Variants in RIMS2 observed in about 807,000 individuals in gnomAD.
RIMS2 encodes regulating synaptic membrane exocytosis 2.
Under a neutral mutation model 174.4 loss-of-function variants are expected in RIMS2, and 59 were observed. The observed-to-expected ratio is 0.34, with a 90% CI of 0.27 to 0.42. The LOEUF (loss-of-function observed/expected upper bound fraction) is 0.42. Among genes scored for constraint, RIMS2 ranks in the 10% least tolerant of loss-of-function variants. The probability of loss-of-function intolerance (pLI) is 1.00; values close to 1 mark genes in which losing one functional copy is unlikely to be tolerated. For synonymous variants in RIMS2, 606 were observed against 572.5 expected (o/e 1.06, Z -0.84); for missense variants, 1,620 against 1,666.3 (o/e 0.97, Z 0.48).
At chr8:104,001,218 A>C (rs1183626872) in intron 17 of RIMS2, among the ~76,000 whole-genome samples, 2 of 151,922 alleles carry the variant, frequency 1.3e-5, no homozygotes, top group African/African-American at 4.8e-5. Context: ...ATATTTTAAA[A>C]TATCTGGAAG....
intron 2 of RIMS2, among the ~76,000 whole-genome samples, chr8:103,706,331 C>T (rs1029568444): frequency 2.0e-5 from 3 of 152,122 alleles, no homozygotes; most frequent in Non-Finnish European, 2.9e-5. Flanking sequence ...AAAGACACTA[C>T]ATGCCACAAT....
chr8:103,821,093 A>G (rs905496650), intron 3 of RIMS2, among the ~76,000 whole-genome samples: 5 of 151,586 alleles, frequency 3.3e-5, no homozygotes, highest in Admixed American at 1.3e-4. Flanking sequence ...GTTTAGGTAT[A>G]GAAATTATGC....
chr8:104,075,137 C>G (rs992028051), intron 19 of RIMS2, among the ~76,000 whole-genome samples: 1 of 151,922 alleles, frequency 6.6e-6, no homozygotes, highest in East Asian at 1.9e-4. Flanking sequence ...GTGGATAGAG[C>G]CAGGCTTTGT....
At chr8:103,914,871 A>G (rs1251209727) in intron 6 of RIMS2, among the ~76,000 whole-genome samples, 3 of 152,178 alleles carry the variant, frequency 2.0e-5, no homozygotes, top group African/African-American at 7.2e-5. Flanking sequence ...AGGTATACAT[A>G]TGACTCCACA....
chr8:104,249,517 A>G, exon 22 of RIMS2: 1 of 1,610,108 alleles, frequency 6.2e-7, no homozygotes, highest in Non-Finnish European at 8.5e-7. Flanking sequence ...ATGGACAAAA[A>G]GGGACAGCTG....
chr8:103,700,458 A>G lies in RIMS2; in HGVS notation c.387+3162A>G, dbSNP rs546484745. On this transcript the variant is annotated intron_variant, in intron 2 of 23. Transcript: ENST00000504942. ...TGTATATTTGGAAATGGAATTGCAT[A>G]TATGTATTGGGTTAGGTATTAACAT... is the stretch of plus-strand genomic sequence containing the variant. Among the ~76,000 whole-genome samples the G allele has an allele frequency of 7.0e-4, 107 of 151,964 alleles. 1 individual carries two copies. The highest frequency in any genetic ancestry group is 2.3e-3 in the African/African-American group (95 of 41,508).
intron 19 of RIMS2, among the ~76,000 whole-genome samples, chr8:104,090,801 A>G (rs2097641274): frequency 6.6e-6 from 1 of 151,866 alleles, no homozygotes. Context: ...TTATAAACAT[A>G]TTTTCTGAAG....
intron 3 of RIMS2, among the ~76,000 whole-genome samples, chr8:103,794,859 G>A (rs539035660): frequency 6.6e-5 from 10 of 152,210 alleles, no homozygotes; most frequent in Non-Finnish European, 4.4e-5. Context: ...GGCCATCAGA[G>A]AAATGCAAAT....
chr8:103,516,838 C>T (rs951773285), intron 1 of RIMS2, among the ~76,000 whole-genome samples: 6 of 152,102 alleles, frequency 3.9e-5, no homozygotes, highest in African/African-American at 7.2e-5. Context: ...TACTACATGG[C>T]GCTGCTTCTA....
intron 14 of RIMS2, among the ~76,000 whole-genome samples, chr8:103,954,891 G>T (rs1294230814): frequency 6.6e-6 from 1 of 152,022 alleles, no homozygotes; most frequent in East Asian, 1.9e-4. Context: ...GAATAAAATA[G>T]ATGCAGTAAA....
intron 19 of RIMS2, among the ~76,000 whole-genome samples, chr8:104,017,759 A>T (rs1248009444): frequency 6.6e-6 from 1 of 152,190 alleles, no homozygotes; most frequent in Non-Finnish European, 1.5e-5. Context: ...ATAGCATGTC[A>T]GAAACGTATC....
At chr8:103,838,250 T>C (rs2098916393) in intron 3 of RIMS2, among the ~76,000 whole-genome samples, 1 of 152,028 alleles carries the variant, frequency 6.6e-6, no homozygotes, top group African/African-American at 2.4e-5. Flanking sequence ...CAGATCTTGT[T>C]CCCTCCATTT....
At chr8:103,881,043 A>C (rs1482484556) in intron 3 of RIMS2, among the ~76,000 whole-genome samples, 1 of 151,446 alleles carries the variant, frequency 6.6e-6, no homozygotes, top group East Asian at 1.9e-4. Flanking sequence ...ATTTTTAAAG[A>C]GTGATTTACA....
In RIMS2 at chr8:103,597,654, A is replaced by G. The variant is rs147465724; in HGVS notation, c.176+96592A>G. On this transcript the variant is annotated intron_variant, in intron 1 of 23. Transcript: ENST00000504942. ...TATATATAGAACTACAGTGATTTGAAACCTATAGGGTGACTAAACAACCTG... is the reference window on the plus strand; with the variant it reads ...TATATATAGAACTACAGTGATTTGAGACCTATAGGGTGACTAAACAACCTG... 4.7e-3 allele frequency among the ~76,000 whole-genome samples: 709 copies of G among 152,192 alleles called. 9 individuals carry two copies. Among genetic ancestry groups the G allele is most frequent in the African/African-American group, 0.017 (686 of 41,534 alleles).
At chr8:104,120,808 A>T (rs2098361689) in intron 19 of RIMS2, among the ~76,000 whole-genome samples, 1 of 152,134 alleles carries the variant, frequency 6.6e-6, no homozygotes, top group Non-Finnish European at 1.5e-5. Flanking sequence ...TAGCCAATTA[A>T]TTTCATTGTC....
intron 19 of RIMS2, among the ~76,000 whole-genome samples, chr8:104,036,940 A>C (rs766255590): frequency 1.1e-4 from 16 of 152,168 alleles, no homozygotes; most frequent in Non-Finnish European, 2.4e-4. Context: ...TAAAAATAGC[A>C]AAGTATTTGA....
At chr8:103,916,441 G>T (rs1435797738) in exon 8 of RIMS2, 6 of 1,608,946 alleles carry the variant, frequency 3.7e-6, no homozygotes, top group Non-Finnish European at 5.1e-6. Context: ...TGGAATGGAA[G>T]ACTACTGCAA....
In RIMS2 at chr8:103,713,314, C is replaced by T. The variant is rs140853046; in HGVS notation, c.387+16018C>T. Among the ~76,000 whole-genome samples the T allele has an allele frequency of 1.7e-3, 259 of 152,274 alleles. 2 individuals are homozygous for T. Among genetic ancestry groups the T allele is most frequent in the East Asian group, 8.3e-3 (43 of 5,180 alleles). ...GTTTACAGGCATGAGCCACCATGCC[C>T]GGCCTAATATCTTGTGTTTCTAAGT... On this transcript the variant is annotated intron_variant, in intron 2 of 23. Transcript: ENST00000504942.
intron 1 of RIMS2, among the ~76,000 whole-genome samples, chr8:103,520,808 T>C (rs1831288802): frequency 6.6e-6 from 1 of 152,118 alleles, no homozygotes; most frequent in Non-Finnish European, 1.5e-5. Flanking sequence ...TTCTAAGTAC[T>C]GAAATCACCA....
Sources: gnomAD v4.1 joint callset for allele counts (sites outside exome capture counted in the v4.1 genomes callset) on GRCh38, gnomAD v4.1.1 for gene constraint, MANE v1.5 for transcripts, NCBI Gene and HGNC (gene_info 2026-07-23, HGNC 2026-07-21) for gene names.